Variants in RBMX observed in about 807,000 individuals in gnomAD.
RBMX encodes the protein RNA binding motif protein X-linked.
In RBMX, 1 loss-of-function variant was observed where a neutral mutation model predicts 29.3. That is an observed-to-expected ratio of 0.03 (90% CI 0.01 to 0.16). The LOEUF is 0.16. Ranked by LOEUF, RBMX falls within the 10% of genes least tolerant of loss-of-function variation. The pLI, the probability that RBMX is intolerant of heterozygous loss-of-function variation, is 1.00. For synonymous variants in RBMX, 102 were observed against 102.3 expected (o/e 1.00, Z 0.02); for missense variants, 121 against 333.2 (o/e 0.36, Z 4.96).
At position 136,875,602 on chromosome X, in the gene RBMX, A is replaced by G; in HGVS notation, c.542-17T>C. On this transcript the variant is annotated splice_polypyrimidine_tract_variant and intron_variant, in intron 5 of 8. Coordinates refer to ENST00000320676, the MANE Select transcript of RBMX (RefSeq NM_002139.4). Reference sequence around the variant, plus strand: ...ATACAGGAGCTTAAGGAAAAATATCATTTTTTTAAACATAGCCAGAGAAAA... The same window carrying G: ...ATACAGGAGCTTAAGGAAAAATATCGTTTTTTTAAACATAGCCAGAGAAAA... The G allele has an allele frequency of 8.4e-7, 1 of 1,196,855 alleles. No homozygotes were observed. Among genetic ancestry groups the G allele is most frequent in the Non-Finnish European group, 1.1e-6 (1 of 891,032 alleles).
chrX:136,876,777 G>A (rs1311622719), intron 4 of RBMX, 122 bp from the exon 5 acceptor site: 10 of 506,961 alleles, frequency 2.0e-5, no homozygotes, highest in South Asian at 8.7e-5. Context: ...GCTTCATCTC[G>A]GCTCACTGCA....
At chrX:136,872,911 AAT>A, downstream of RBMX, 1 of 111,438 alleles carries the variant, frequency 9.0e-6, no homozygotes, top group African/African-American at 3.3e-5. Flanking sequence ...ATTTGAAAAA[AAT>A]GTTAAAAACA....
At chrX:136,871,695 G>A (rs1038624455), downstream of RBMX, among the ~76,000 whole-genome samples, 2 of 108,888 alleles carry the variant, frequency 1.8e-5, no homozygotes, top group Non-Finnish European at 3.8e-5. Flanking sequence ...TGTTGCCCAG[G>A]CTGGAGTGCA....
At position 136,875,323 on chromosome X, in the gene RBMX, T is replaced by C. The variant is rs1569439669; in HGVS notation, c.717A>G (p.Arg239=). ...RDTRDYAPPP[R]DYTYRDYGHS... Reference sequence around the variant, plus strand: ...GACCATAATCACGGTAAGTATAATCTCGTGGTGGTGGTGCATAATCTCTAG... The same window carrying C: ...GACCATAATCACGGTAAGTATAATCCCGTGGTGGTGGTGCATAATCTCTAG... The change falls in exon 7 of 9, where the codon CGA becomes CGG. Residue 239 remains arginine, a synonymous_variant. Transcript: ENST00000320676. 1.7e-6 allele frequency: 2 copies of C among 1,211,568 alleles called. No individual in the cohort carries two copies. Among genetic ancestry groups the C allele is most frequent in the Admixed American group, 2.2e-5 (1 of 46,021 alleles).
At chrX:136,875,207 C>A (rs191652183) in intron 7 of RBMX, 39 bp from the exon 8 acceptor site, 66 of 1,209,507 alleles carry the variant, frequency 5.5e-5, no homozygotes, top group Non-Finnish European at 7.1e-5. Context: ...AGAGAATCAA[C>A]TTTCATTGCA....
At chrX:136,875,226 T>A in intron 7 of RBMX, 32 bp downstream of exon 7, 1 of 1,211,024 alleles carries the variant, frequency 8.3e-7, no homozygotes, top group South Asian at 1.8e-5. Context: ...CAACTTTTCT[T>A]ACATGTAAGC....
chrX:136,877,684 T>C (rs2077748354), intron 4 of RBMX, among the ~76,000 whole-genome samples: 1 of 111,621 alleles, frequency 9.0e-6, no homozygotes, highest in Admixed American at 9.5e-5. Context: ...TTAAATGCCT[T>C]TCCTACAGAG....
downstream of RBMX, among the ~76,000 whole-genome samples, chrX:136,871,374 G>T (rs2077683303): frequency 9.8e-6 from 1 of 102,095 alleles, no homozygotes; most frequent in Middle Eastern, 4.8e-3. Flanking sequence ...AACCCGGGAG[G>T]CAGAGCTTGC....
chrX:136,870,984 G>C (rs2077680585), downstream of RBMX, among the ~76,000 whole-genome samples: 1 of 107,203 alleles, frequency 9.3e-6, no homozygotes, highest in Non-Finnish European at 1.9e-5. Flanking sequence ...CATAGTGGCA[G>C]GCACCTGTAA....
rs1191245955 is a variant in RBMX at position 136,875,274 on chromosome X, G to C, written c.766C>G (p.Pro256Ala). ...YGHSSSRDDY[P>A]SRGYSDRDGY... The stretch of plus-strand genomic sequence containing the variant: ...GTCACTTACCTATATCCTCTTGATG[G>C]ATAGTCATCACGTGAACTGGAATGA... Residue 256 changes from proline to alanine, a missense_variant, in exon 7 of 9, where the codon CCA becomes GCA. Pro to Ala is a conservative substitution (Grantham distance 27, BLOSUM62 -1). This residue lies in a region of RBMX where 114 missense variants were observed against 260.0 expected (regional missense o/e 0.44). Coordinates refer to ENST00000320676, the MANE Select transcript of RBMX (RefSeq NM_002139.4). 8.3e-7 allele frequency: 1 copy of C among 1,210,057 alleles called. No homozygotes were observed. Among genetic ancestry groups the C allele is most frequent in the African/African-American group, 1.7e-5 (1 of 57,303 alleles).
chrX:136,871,853 C>T (rs1302145738), downstream of RBMX, among the ~76,000 whole-genome samples: 1 of 99,492 alleles, frequency 1.0e-5, no homozygotes, highest in Non-Finnish European at 2.0e-5. Context: ...TGAGGTTTCA[C>T]CATGTTTGCC....
rs1569440754 is a variant in RBMX at position 136,877,903 on chromosome X, G to GC, written c.388+11dup. The stretch of plus-strand genomic sequence containing the variant: ...CTTATACACCAAACCCGAGGTCCAC[G>GC]CAAGTTATTACCCATGTGTCCTCCC... On this transcript the variant is annotated intron_variant, in intron 4 of 8. Transcript: ENST00000320676. The GC allele has an allele frequency of 6.0e-6, 7 of 1,160,244 alleles. No homozygotes were observed. Among genetic ancestry groups the GC allele is most frequent in the African/African-American group, 5.4e-5 (3 of 55,625 alleles).
intron 3 of RBMX, 137 bp from the exon 4 acceptor site, chrX:136,878,223 C>A: frequency 2.0e-6 from 1 of 502,585 alleles, no homozygotes; most frequent in South Asian, 5.8e-5. Flanking sequence ...AAAAACACTG[C>A]AAATATAGTC....
At chrX:136,870,476 TC>T (rs758212631), downstream of RBMX, 2 of 112,869 alleles carry the variant, frequency 1.8e-5, no homozygotes, top group South Asian at 7.3e-4. Context: ...GTAAAGTACT[TC>T]CCCCCAAACT....
In RBMX at chrX:136,879,426, ATGTTTT is replaced by A; in HGVS notation, c.-5_1del. 2.1e-6 allele frequency: 2 copies of A among 973,583 alleles called. No homozygotes were observed. The highest frequency in any genetic ancestry group is 2.8e-6 in the Non-Finnish European group (2 of 722,088). 80.2% of individuals were successfully genotyped at this position (973,583 alleles called of 1,213,427 possible). A position where few individuals can be genotyped will look rare whatever the true frequency, so the allele number is the denominator to read the frequency against. On this transcript the variant is annotated start_lost and start_retained_variant and 5_prime_UTR_variant, in exon 2 of 9. Coordinates refer to ENST00000320676, the MANE Select transcript of RBMX (RefSeq NM_002139.4). ...CTTTCCTGGGCGATCTGCTTCAACCATGTTTTTTTTTTTTTGGGCCGGTGAGTCTGT... is the reference window on the plus strand; with the variant it reads ...CTTTCCTGGGCGATCTGCTTCAACCATTTTTTTTTGGGCCGGTGAGTCTGT...
rs1449034469 is a variant in RBMX, at chrX:136,879,469, A to T, written c.-26-16T>A. 1.8e-6 allele frequency: 2 copies of T among 1,127,054 alleles called. No homozygotes were observed. Among genetic ancestry groups the T allele is most frequent in the African/African-American group, 3.7e-5 (2 of 53,957 alleles). 92.9% of individuals were successfully genotyped at this position (1,127,054 alleles called of 1,213,427 possible). A position where few individuals can be genotyped will look rare whatever the true frequency, so the allele number is the denominator to read the frequency against. On this transcript the variant is annotated splice_polypyrimidine_tract_variant and intron_variant, in intron 1 of 8. Transcript: ENST00000320676. ...GCCGGTGAGTCTGTTGAAAAGGAAT[A>T]GTATTACCTCACTGCAAAAAGTTCC... is the stretch of plus-strand genomic sequence containing the variant.
downstream of RBMX, among the ~76,000 whole-genome samples, chrX:136,871,583 T>C (rs1313110082): frequency 1.5e-4 from 17 of 111,626 alleles, no homozygotes; most frequent in East Asian, 4.5e-3. Flanking sequence ...GTATTGTAGC[T>C]ATGCAAATGA....
intron 4 of RBMX, among the ~76,000 whole-genome samples, chrX:136,877,532 C>A (rs778222990): frequency 9.5e-6 from 1 of 105,575 alleles, no homozygotes; most frequent in African/African-American, 3.5e-5. Context: ...CTCACTGCAA[C>A]CTCTGCCTCC....
At chrX:136,879,992 G>A (rs1343771532) in intron 1 of RBMX, among the ~76,000 whole-genome samples, 1 of 111,485 alleles carries the variant, frequency 9.0e-6, no homozygotes, top group African/African-American at 3.3e-5. Context: ...TCTACTATCC[G>A]GCCAAAAAGA....
Sources: allele counts gnomAD v4.1 joint callset (sites outside exome capture counted in the v4.1 genomes callset), GRCh38; gene constraint gnomAD v4.1.1; regional missense constraint gnomAD v4.1.1; transcripts MANE v1.5; gene names NCBI Gene and HGNC (gene_info 2026-07-23, HGNC 2026-07-21).